IL17RD: variants seen among roughly 807,000 people sequenced by gnomAD.
The protein encoded by IL17RD is interleukin-17 receptor D.
IL17RD carries 52 observed loss-of-function variants against 80.5 expected under a neutral mutation model. The observed-to-expected ratio is 0.65, with a 90% CI of 0.52 to 0.81. The LOEUF (loss-of-function observed/expected upper bound fraction) is 0.81, where lower values mean the gene tolerates loss of function less well. Ranked by LOEUF, IL17RD falls within the 40% of genes least tolerant of loss-of-function variation. The pLI, the probability that IL17RD is intolerant of heterozygous loss-of-function variation, is 0.00. For synonymous variants in IL17RD, 416 were observed against 391.8 expected (o/e 1.06, Z -0.73); for missense variants, 1,024 against 955.1 (o/e 1.07, Z -0.95).
upstream of IL17RD, chr3:57,169,118 C>A: frequency 4.7e-6 from 2 of 421,648 alleles, no homozygotes; most frequent in Non-Finnish European, 9.6e-6. Flanking sequence ...GGGACCAGGC[C>A]CCACATGCCT....
chr3:57,156,178 A>G (rs4393874), intron 1 of IL17RD, among the ~76,000 whole-genome samples: 1,738 of 152,288 alleles, frequency 0.011, 36 homozygotes, highest in African/African-American at 0.04. Context: ...CAAGGTGAAA[A>G]GTTCGGCAGA....
chr3:57,141,588 A>C (rs1460514887), intron 1 of IL17RD, among the ~76,000 whole-genome samples: 2 of 152,216 alleles, frequency 1.3e-5, no homozygotes, highest in East Asian at 3.8e-4. Context: ...TCAGATTAGA[A>C]ATTTTTGAAG....
intron 1 of IL17RD, among the ~76,000 whole-genome samples, chr3:57,135,835 G>T (rs1200843026): frequency 6.6e-6 from 1 of 152,120 alleles, no homozygotes; most frequent in Non-Finnish European, 1.5e-5. Flanking sequence ...AGTATAGCAG[G>T]CCCCGTCACC....
chr3:57,146,820 C>CTTTTT (rs761583197), intron 1 of IL17RD, among the ~76,000 whole-genome samples: 1 of 101,220 alleles, frequency 9.9e-6, no homozygotes, highest in Non-Finnish European at 1.9e-5. Context: ...GAGAGGTATT[C>CTTTTT]TTTTTTTTTT....
At chr3:57,168,417 G>A (rs1283809495), upstream of IL17RD, among the ~76,000 whole-genome samples, 1 of 152,170 alleles carries the variant, frequency 6.6e-6, no homozygotes, top group Non-Finnish European at 1.5e-5. Flanking sequence ...GAGAGCACAA[G>A]CTTTCCTGAA....
chr3:57,119,361 A>C (rs995815323), intron 2 of IL17RD, among the ~76,000 whole-genome samples: 2 of 147,408 alleles, frequency 1.4e-5, no homozygotes, highest in Non-Finnish European at 3.0e-5. Flanking sequence ...CAAAAAAAAC[A>C]AAAACAAAAA....
chr3:57,165,355 G>GGCGGTGGCC (rs2060341573), upstream of IL17RD: 15 of 1,196,056 alleles, frequency 1.3e-5, no homozygotes, highest in Middle Eastern at 3.2e-4. Context: ...GCCCCGAGTG[G>GGCGGTGGCC]GCGGTGGCCG....
rs1560193175 is a variant in IL17RD, at chr3:57,097,854, C to T, written c.1849G>A (p.Asp617Asn). ...AAVLGATGPADSQHESQHGGL... is the reference protein window; with the variant it reads ...AAVLGATGPANSQHESQHGGL... ...CCATGCTGACTCTCGTGCTGGGAGTCGGCTGGTCCGGTTGCCCCAAGAACA... is the reference window on the plus strand; with the variant it reads ...CCATGCTGACTCTCGTGCTGGGAGTTGGCTGGTCCGGTTGCCCCAAGAACA... The change falls in exon 12 of 13, where the codon GAC becomes AAC. Residue 617 changes from aspartate (D) to asparagine (N), a missense_variant. Transcript: ENST00000296318. 1.2e-6 allele frequency: 2 copies of T among 1,612,826 alleles called. No homozygotes were observed. Among genetic ancestry groups the T allele is most frequent in the African/African-American group, 1.3e-5 (1 of 74,914 alleles).
chr3:57,135,395 G>GA (rs1707704984), intron 1 of IL17RD, among the ~76,000 whole-genome samples: 2 of 152,344 alleles, frequency 1.3e-5, no homozygotes, highest in African/African-American at 4.8e-5. Context: ...ATGATTCTCA[G>GA]AGATTCCCTA....
chr3:57,100,744 C>T (rs540645504), intron 11 of IL17RD, among the ~76,000 whole-genome samples: 4 of 152,296 alleles, frequency 2.6e-5, no homozygotes, highest in African/African-American at 7.2e-5. Context: ...CCCTTCTCAG[C>T]AGAACTCCTC....
intron 1 of IL17RD, among the ~76,000 whole-genome samples, chr3:57,137,133 A>T (rs1707746991): frequency 6.6e-6 from 1 of 152,192 alleles, no homozygotes. Flanking sequence ...AACACATGGT[A>T]AGCATTCAGG....
chr3:57,129,385 G>C (rs954847152), intron 1 of IL17RD, among the ~76,000 whole-genome samples: 1 of 152,204 alleles, frequency 6.6e-6, no homozygotes, highest in South Asian at 2.1e-4. Context: ...AAACATGATT[G>C]TTATGCCTAA....
Position 57,109,601 on chromosome 3 carries a change from C to A in IL17RD, c.486G>T (p.Lys162Asn), listed in dbSNP as rs1579270155. Reference protein sequence around the residue: ...NMKFETDYFVKVVPFPSIKNE... With the variant: ...NMKFETDYFVNVVPFPSIKNE... ...TTTTAATGGAAGGAAAAGGGACAAC[C>A]TTTACGAAATAATCCGTTTCAAATT... Residue 162 changes from lysine (K) to asparagine (N), a missense_variant, in exon 5 of 13, where the codon AAG (lysine) becomes AAT (asparagine). Physicochemically the swap from Lys to Asn is moderately conservative, Grantham distance 94. Coordinates refer to ENST00000296318, the MANE Select transcript of IL17RD (RefSeq NM_017563.5). 1 of 1,613,552 alleles carries A rather than the reference C, an allele frequency of 6.2e-7. No homozygotes were observed. Among genetic ancestry groups the A allele is most frequent in the East Asian group, 2.2e-5 (1 of 44,878 alleles).
Position 57,114,700 on chromosome 3 carries a change from C to T in IL17RD, c.302G>A (p.Gly101Glu), listed in dbSNP as rs1707172551. ...QVAVTILWSP[G>E]ALGIEFLKGF... ...GATTTTTGACCACTCACCGAGGGCC[C>T]CTGGGGACCAAAGAATGGTGACTGC... is the stretch of plus-strand genomic sequence containing the variant. Residue 101 changes from glycine to glutamate, a missense_variant, in exon 3 of 13, where the codon GGG becomes GAG. By Grantham distance (98) the Gly-to-Glu change is moderately conservative. Coordinates refer to ENST00000296318, the MANE Select transcript of IL17RD (RefSeq NM_017563.5). 2.5e-6 allele frequency: 4 copies of T among 1,610,164 alleles called. No individual in the cohort carries two copies. The highest frequency in any genetic ancestry group is 1.3e-5 in the African/African-American group (1 of 74,824).
intron 1 of IL17RD, among the ~76,000 whole-genome samples, chr3:57,138,083 A>G (rs1327006612): frequency 1.3e-5 from 2 of 152,196 alleles, no homozygotes; most frequent in Non-Finnish European, 2.9e-5. Context: ...GAATAGAGAT[A>G]GCCAGGGGCT....
chr3:57,160,750 CCT>C (rs946453237), intron 1 of IL17RD, among the ~76,000 whole-genome samples: 1 of 152,156 alleles, frequency 6.6e-6, no homozygotes, highest in Non-Finnish European at 1.5e-5. Context: ...TTGTGGGACC[CCT>C]GTCCCCTAAA....
At chr3:57,142,497 C>T (rs1248990898) in intron 1 of IL17RD, 76 of 1,288,084 alleles carry the variant, frequency 5.9e-5, no homozygotes, top group Non-Finnish European at 7.2e-5. Flanking sequence ...GAGGCAGAAG[C>T]GCGTGGCATC....
chr3:57,133,872 C>G (rs1014399861), intron 1 of IL17RD, among the ~76,000 whole-genome samples: 1 of 152,198 alleles, frequency 6.6e-6, no homozygotes, highest in Non-Finnish European at 1.5e-5. Context: ...GTCCCTTCAC[C>G]TGTCAACAGA....
chr3:57,114,403 G>A (rs1281893104), intron 3 of IL17RD, among the ~76,000 whole-genome samples: 3 of 152,092 alleles, frequency 2.0e-5, no homozygotes, highest in Non-Finnish European at 4.4e-5. Flanking sequence ...CGCTGACTAG[G>A]GCTGAGACAG....
Sources: allele counts gnomAD v4.1 joint callset (sites outside exome capture counted in the v4.1 genomes callset), GRCh38; gene constraint gnomAD v4.1.1; transcripts MANE v1.5; gene names NCBI Gene and HGNC (gene_info 2026-07-23, HGNC 2026-07-21).